The following ENOX1 variants were observed in gnomAD, a reference collection of about 807,000 sequenced individuals.
The protein encoded by ENOX1 is ecto-NOX disulfide-thiol exchanger 1.
Under a neutral mutation model 82.5 loss-of-function variants are expected in ENOX1, and 42 were observed. The observed-to-expected ratio is 0.51, with a 90% CI of 0.40 to 0.66. The LOEUF (loss-of-function observed/expected upper bound fraction) is 0.66, where lower values mean the gene tolerates loss of function less well. Ranked by LOEUF, ENOX1 falls within the 30% of genes least tolerant of loss-of-function variation. The probability of loss-of-function intolerance (pLI) is 0.00; values close to 1 mark genes in which losing one functional copy is unlikely to be tolerated. For missense variants in ENOX1, 608 were observed against 811.6 expected (o/e 0.75, Z 3.05); for synonymous variants, 271 against 282.2 (o/e 0.96, Z 0.40).
At chr13:43,733,756 T>G (rs553964803) in intron 1 of ENOX1, among the ~76,000 whole-genome samples, 17 of 152,308 alleles carry the variant, frequency 1.1e-4, no homozygotes, top group Non-Finnish European at 1.5e-4. Flanking sequence ...AGTCCTAACA[T>G]CCAGTACCTG....
chr13:43,380,524 A>G (rs2051966765), intron 5 of ENOX1, among the ~76,000 whole-genome samples: 1 of 151,740 alleles, frequency 6.6e-6, no homozygotes, highest in Non-Finnish European at 1.5e-5. Flanking sequence ...AATAAATAAA[A>G]TCAATTATTA....
intron 2 of ENOX1, among the ~76,000 whole-genome samples, chr13:43,566,887 G>A (rs559908486): frequency 1.6e-4 from 25 of 152,076 alleles, no homozygotes; most frequent in African/African-American, 5.3e-4. Flanking sequence ...TATTATTTTC[G>A]GAGTTAGTTT....
chr13:43,777,179 C>T (rs1334864993), intron 1 of ENOX1, among the ~76,000 whole-genome samples: 2 of 152,226 alleles, frequency 1.3e-5, no homozygotes, highest in African/African-American at 4.8e-5. Flanking sequence ...CTGCCACATT[C>T]AAGCGGCCCC....
At chr13:43,338,848 G>T (rs572876361) in intron 9 of ENOX1, among the ~76,000 whole-genome samples, 23 of 152,030 alleles carry the variant, frequency 1.5e-4, no homozygotes, top group Non-Finnish European at 2.9e-4. Context: ...ACTGCCCCCG[G>T]CTAATTTTTT....
rs548461205 is a variant in ENOX1, at chr13:43,651,449, A to G, written c.-219+16030T>C. Among the ~76,000 whole-genome samples the G allele has an allele frequency of 1.1e-4, 16 of 152,164 alleles. No individual in the cohort carries two copies. The East Asian group carries it at 2.9e-3, about 28-fold the overall frequency. Reference sequence around the variant, plus strand: ...GTTGGCTCTTGCCTGTAATCCCAGCACTTTGGGAGGCCAAGGCAGGCAGAT... The same window carrying G: ...GTTGGCTCTTGCCTGTAATCCCAGCGCTTTGGGAGGCCAAGGCAGGCAGAT... On this transcript the variant is annotated intron_variant, in intron 2 of 16. Coordinates refer to ENST00000690772, the MANE Select transcript of ENOX1 (RefSeq NM_001347969.2).
intron 15 of ENOX1, among the ~76,000 whole-genome samples, chr13:43,235,436 C>G (rs1268780856): frequency 6.6e-6 from 1 of 152,098 alleles, no homozygotes; most frequent in Non-Finnish European, 1.5e-5. Context: ...GCAGTATTTA[C>G]AAAATGCACC....
At chr13:43,632,921 A>G (rs1041714919) in intron 2 of ENOX1, among the ~76,000 whole-genome samples, 1 of 152,164 alleles carries the variant, frequency 6.6e-6, no homozygotes, top group African/African-American at 2.4e-5. Context: ...GTTGCTTCTT[A>G]GACTGTTCAC....
At chr13:43,558,088 C>T (rs1326105896) in intron 2 of ENOX1, among the ~76,000 whole-genome samples, 1 of 152,152 alleles carries the variant, frequency 6.6e-6, no homozygotes, top group African/African-American at 2.4e-5. Flanking sequence ...TGGAAGGCTG[C>T]TTCTGTGGTC....
intron 2 of ENOX1, among the ~76,000 whole-genome samples, chr13:43,502,212 G>A (rs1020061183): frequency 6.6e-6 from 1 of 151,566 alleles, no homozygotes; most frequent in Non-Finnish European, 1.5e-5. Context: ...GACAAATAAG[G>A]AGAGCTAATA....
intron 11 of ENOX1, among the ~76,000 whole-genome samples, chr13:43,320,078 C>T (rs747138326): frequency 6.6e-5 from 10 of 152,194 alleles, no homozygotes; most frequent in Non-Finnish European, 1.2e-4. Context: ...GGAATTCTTG[C>T]TGTCAGGCTG....
chr13:43,213,544 C>CTTTTTTTTTTTTTTTTTTTTTTTTTTTT lies in ENOX1; in HGVS notation c.*445_*446insAAAAAAAAAAAAAAAAAAAAAAAAAAAA, dbSNP rs3043205. 4.8e-5 allele frequency: 4 copies of CTTTTTTTTTTTTTTTTTTTTTTTTTTTT among 84,006 alleles called. No homozygotes were observed. Among genetic ancestry groups the CTTTTTTTTTTTTTTTTTTTTTTTTTTTT allele is most frequent in the South Asian group, 9.4e-4 (2 of 2,134 alleles). 5.2% of individuals were successfully genotyped at this position (84,006 alleles called of 1,614,324 possible). On this transcript the variant is annotated 3_prime_UTR_variant, in exon 17 of 17. Transcript: ENST00000690772. ...TTTTTCTTTTTTTCTTTTTCTTTTTCTTTTTTTTTTTTTTTTTTTTTTTAC... is the reference window on the plus strand; with the variant it reads ...TTTTTCTTTTTTTCTTTTTCTTTTTCTTTTTTTTTTTTTTTTTTTTTTTTTTTTTTTTTTTTTTTTTTTTTTTTTTTAC...
chr13:43,631,769 T>G (rs1387497612), intron 2 of ENOX1, among the ~76,000 whole-genome samples: 1 of 152,224 alleles, frequency 6.6e-6, no homozygotes, highest in Non-Finnish European at 1.5e-5. Flanking sequence ...CCACATTATC[T>G]GATCGTGATG....
At chr13:43,415,034 A>G (rs1426132529) in intron 3 of ENOX1, among the ~76,000 whole-genome samples, 2 of 152,166 alleles carry the variant, frequency 1.3e-5, no homozygotes, top group Non-Finnish European at 2.9e-5. Context: ...CTGGAGACCC[A>G]TCGTTTCTAC....
chr13:43,383,356 C>A (rs1373986843), intron 5 of ENOX1, among the ~76,000 whole-genome samples: 2 of 152,128 alleles, frequency 1.3e-5, no homozygotes, highest in Non-Finnish European at 2.9e-5. Context: ...GGCTCAACTT[C>A]ACGGTAATAA....
intron 2 of ENOX1, among the ~76,000 whole-genome samples, chr13:43,531,327 T>A (rs1320654286): frequency 6.6e-6 from 1 of 152,044 alleles, no homozygotes; most frequent in African/African-American, 2.4e-5. Context: ...GAAAAAATGC[T>A]CATCATCACT....
At chr13:43,620,439 T>C (rs570156028) in intron 2 of ENOX1, among the ~76,000 whole-genome samples, 8 of 152,236 alleles carry the variant, frequency 5.3e-5, no homozygotes, top group Non-Finnish European at 1.0e-4. Flanking sequence ...TTTTGATAGG[T>C]TGTGTCATTA....
At chr13:43,701,542 T>G (rs1201626214) in intron 1 of ENOX1, among the ~76,000 whole-genome samples, 1 of 152,208 alleles carries the variant, frequency 6.6e-6, no homozygotes, top group African/African-American at 2.4e-5. Context: ...GTATTGTGTA[T>G]TTTATTGTGT....
chr13:43,222,380 T>TACAC (rs35476412), intron 16 of ENOX1, among the ~76,000 whole-genome samples: 2,478 of 149,180 alleles, frequency 0.017, 107 homozygotes, highest in East Asian at 0.13. Context: ...GAGATGATTT[T>TACAC]ACACACACAC....
At chr13:43,560,595 A>G (rs1309936082) in intron 2 of ENOX1, among the ~76,000 whole-genome samples, 1 of 152,140 alleles carries the variant, frequency 6.6e-6, no homozygotes, top group Non-Finnish European at 1.5e-5. Context: ...TTACTAATTG[A>G]GTCCCTTGTT....
Sources: gnomAD v4.1 joint callset for allele counts (sites outside exome capture counted in the v4.1 genomes callset) on GRCh38, gnomAD v4.1.1 for gene constraint, MANE v1.5 for transcripts, NCBI Gene and HGNC (gene_info 2026-07-23, HGNC 2026-07-21) for gene names.